CALCOCO2: variants seen among roughly 807,000 people sequenced by gnomAD.
The protein encoded by CALCOCO2 is calcium binding and coiled-coil domain 2.
Under a neutral mutation model 62.5 loss-of-function variants are expected in CALCOCO2, and 42 were observed. The observed-to-expected ratio is 0.67, with a 90% CI of 0.53 to 0.87. The LOEUF is 0.87. Among genes scored for constraint, CALCOCO2 ranks in the 40% least tolerant of loss-of-function variants. The pLI, the probability that CALCOCO2 is intolerant of heterozygous loss-of-function variation, is 0.00. For missense variants in CALCOCO2, 456 were observed against 515.0 expected (o/e 0.89, Z 1.11); for synonymous variants, 167 against 173.0 (o/e 0.97, Z 0.27).
At chr17:48,861,863 C>T (rs747430135) in intron 11 of CALCOCO2, among the ~76,000 whole-genome samples, 6 of 151,646 alleles carry the variant, frequency 4.0e-5, no homozygotes, top group Non-Finnish European at 4.4e-5. Flanking sequence ...GCCTGGCCAA[C>T]ATGGAGAAAC....
chr17:48,848,202 G>C (rs910911082), intron 3 of CALCOCO2, 36 bp downstream of exon 3: 1 of 1,533,906 alleles, frequency 6.5e-7, no homozygotes, highest in Admixed American at 1.7e-5. Context: ...GTTGAAGACA[G>C]TAGCCAAGAC....
At chr17:48,846,381 G>C (rs2040053538) in intron 2 of CALCOCO2, 1 of 697,570 alleles carries the variant, frequency 1.4e-6, no homozygotes, top group Non-Finnish European at 2.5e-6. Flanking sequence ...CCTAAAGCAG[G>C]AAGCAGTCTG....
At chr17:48,841,193 A>G (rs1408180177) in intron 1 of CALCOCO2, among the ~76,000 whole-genome samples, 1 of 152,192 alleles carries the variant, frequency 6.6e-6, no homozygotes, top group Non-Finnish European at 1.5e-5. Context: ...CTGCATGTCA[A>G]ATAATTTTCT....
At position 48,862,964 on chromosome 17, in the gene CALCOCO2, A is replaced by C. The variant is rs1567762136; in HGVS notation, c.1300A>C (p.Lys434Gln). 6.2e-7 allele frequency: 1 copy of C among 1,613,826 alleles called. No homozygotes were observed. Residue 434 changes from lysine to glutamine, a missense_variant, in exon 13 of 13, where the codon AAG (lysine) becomes CAG (glutamine). By Grantham distance (53) the Lys-to-Gln change is moderately conservative. Coordinates refer to ENST00000258947, the MANE Select transcript of CALCOCO2 (RefSeq NM_005831.5). ...TGACAAGATCTTCCCAGCTACAGAGAAGCAGATCTTTGAAGACCACGTGTT... is the reference window on the plus strand; with the variant it reads ...TGACAAGATCTTCCCAGCTACAGAGCAGCAGATCTTTGAAGACCACGTGTT... ...ICDKIFPATE[K>Q]QIFEDHVFCH...
Position 48,863,091 on chromosome 17 carries a change from C to T in CALCOCO2, c.*86C>T, listed in dbSNP as rs2040351232. 1 of 1,015,210 alleles carries T rather than the reference C, an allele frequency of 9.9e-7. No individual in the cohort carries two copies. The highest frequency in any genetic ancestry group is 1.3e-5 in the South Asian group (1 of 76,934). 62.9% of individuals were successfully genotyped at this position (1,015,210 alleles called of 1,614,324 possible). A position where few individuals can be genotyped will look rare whatever the true frequency, so the allele number is the denominator to read the frequency against. ...ATGAGTTATATGAGTCAAGATCCTG[C>T]CTAACCTGAAATTATTAGGGATTTA... On this transcript the variant is annotated 3_prime_UTR_variant, in exon 13 of 13. Coordinates refer to ENST00000258947, the MANE Select transcript of CALCOCO2 (RefSeq NM_005831.5).
At chr17:48,852,318 C>T in intron 7 of CALCOCO2, 188 bp from the exon 8 acceptor site, 2 of 550,020 alleles carry the variant, frequency 3.6e-6, no homozygotes, top group Non-Finnish European at 3.3e-6. Flanking sequence ...GATAGCAGAA[C>T]TGCTCTCATT....
At chr17:48,858,826 G>A (rs548138023) in intron 10 of CALCOCO2, among the ~76,000 whole-genome samples, 4 of 151,558 alleles carry the variant, frequency 2.6e-5, no homozygotes, top group East Asian at 2.0e-4. Context: ...AGGCCGAGGC[G>A]GGTGGATCAC....
chr17:48,852,919 T>C lies in CALCOCO2; in HGVS notation c.826-7T>C. On this transcript the variant is annotated splice_region_variant and splice_polypyrimidine_tract_variant and intron_variant, in intron 8 of 12. Coordinates refer to ENST00000258947, the MANE Select transcript of CALCOCO2 (RefSeq NM_005831.5). ...CAGCAATGGTACTGAAATCTCTTTT[T>C]GTGCAGAGGAAGGACCAGAAGAAGC... The C allele has an allele frequency of 6.2e-7, 1 of 1,607,400 alleles. No individual in the cohort carries two copies. Among genetic ancestry groups the C allele is most frequent in the Non-Finnish European group, 8.5e-7 (1 of 1,173,964 alleles).
intron 5 of CALCOCO2, among the ~76,000 whole-genome samples, chr17:48,850,144 C>G (rs2040106770): frequency 6.6e-6 from 1 of 152,114 alleles, no homozygotes; most frequent in Non-Finnish European, 1.5e-5. Flanking sequence ...ACTAAAAATA[C>G]AAAAATTAGC....
At chr17:48,861,230 T>C (rs941011423) in intron 11 of CALCOCO2, among the ~76,000 whole-genome samples, 3 of 151,950 alleles carry the variant, frequency 2.0e-5, no homozygotes, top group Non-Finnish European at 4.4e-5. Flanking sequence ...TAGCTGGGCA[T>C]AGTAGTGGAC....
intron 9 of CALCOCO2, among the ~76,000 whole-genome samples, chr17:48,853,634 G>C (rs1162852345): frequency 6.6e-6 from 1 of 152,192 alleles, no homozygotes; most frequent in African/African-American, 2.4e-5. Context: ...AGTACCTACT[G>C]TATCTAAGAT....
chr17:48,838,637 C>G (rs569561135), intron 1 of CALCOCO2, among the ~76,000 whole-genome samples: 1 of 152,166 alleles, frequency 6.6e-6, no homozygotes, highest in East Asian at 1.9e-4. Context: ...TGGCATGAAC[C>G]TGGGAGGCAG....
chr17:48,859,252 A>G (rs2040291529), intron 10 of CALCOCO2, among the ~76,000 whole-genome samples: 1 of 151,962 alleles, frequency 6.6e-6, no homozygotes, highest in East Asian at 1.9e-4. Flanking sequence ...ATGGGATAAG[A>G]CCTGAAGAAG....
Position 48,851,558 on chromosome 17 carries a change from GA to G in CALCOCO2, c.633del (p.Gln211HisfsTer2), listed in dbSNP as rs748193150. On this transcript the variant is annotated frameshift_variant and splice_region_variant, in exon 7 of 13. Transcript: ENST00000258947. LOFTEE classifies it high-confidence loss of function. ...TCACATAGTTATCTCCACCTCTACAGACTGAAAGAACAAAACCAGAAGATGT... is the reference window on the plus strand; with the variant it reads ...TCACATAGTTATCTCCACCTCTACAGCTGAAAGAACAAAACCAGAAGATGT... ...QKDYWETELL[Q>X]LKEQNQKMSS... The G allele has an allele frequency of 1.3e-6, 2 of 1,577,692 alleles. No homozygotes were observed. Among genetic ancestry groups the G allele is most frequent in the Non-Finnish European group, 1.7e-6 (2 of 1,146,718 alleles).
chr17:48,846,321 A>G, intron 2 of CALCOCO2: 1 of 598,480 alleles, frequency 1.7e-6, no homozygotes, highest in Middle Eastern at 4.2e-4. Context: ...TTTAATACAT[A>G]CAAATATGTT....
intron 9 of CALCOCO2, among the ~76,000 whole-genome samples, chr17:48,854,767 C>T (rs1244000553): frequency 6.6e-6 from 1 of 151,878 alleles, no homozygotes. Flanking sequence ...TGGCTGATAG[C>T]AATCCTAATT....
chr17:48,857,328 G>T (rs1375726161), intron 10 of CALCOCO2, among the ~76,000 whole-genome samples: 1 of 150,958 alleles, frequency 6.6e-6, no homozygotes, highest in Non-Finnish European at 1.5e-5. Context: ...CTCCTGAGTA[G>T]CTGGGATTAC....
intron 10 of CALCOCO2, among the ~76,000 whole-genome samples, chr17:48,858,001 ATAG>A (rs1437582347): frequency 1.5e-4 from 3 of 19,974 alleles, no homozygotes; most frequent in Non-Finnish European, 1.3e-4. Flanking sequence ...ATAGAATAGA[ATAG>A]AATAGAATAG....
At chr17:48,839,353 C>CT (rs71144529) in intron 1 of CALCOCO2, 13,531 of 130,054 alleles carry the variant, frequency 0.1, 1,388 homozygotes, top group African/African-American at 0.28. Context: ...AATGGTTTCT[C>CT]TTTTTTTTTT....
Sources: allele counts gnomAD v4.1 joint callset (sites outside exome capture counted in the v4.1 genomes callset), GRCh38; gene constraint gnomAD v4.1.1; transcripts MANE v1.5; gene names NCBI Gene and HGNC (gene_info 2026-07-23, HGNC 2026-07-21).